CHODL: variants seen among roughly 807,000 people sequenced by gnomAD.
CHODL encodes transmembrane protein MT75.
In CHODL, 29 loss-of-function variants were observed where a neutral mutation model predicts 34.5. The ratio of observed to expected loss-of-function variants is 0.84; its 90% confidence interval spans 0.63 to 1.15. The LOEUF is 1.15. Among genes scored for constraint, CHODL ranks in the 50% most tolerant of loss-of-function variants. The pLI is 0.00. For missense variants in CHODL, 332 were observed against 332.5 expected, an observed-to-expected ratio of 1.00 and a Z score of 0.01; for synonymous variants, 125 against 116.1, an observed-to-expected ratio of 1.08 and a Z score of -0.49.
At chr21:18,100,085 A>G (rs1329363845) in intron 2 of CHODL, 1 of 152,162 alleles carries the variant, frequency 6.6e-6, no homozygotes, top group Non-Finnish European at 1.5e-5. Flanking sequence ...ACGACAAATA[A>G]AAATAAAAAT....
At chr21:18,027,500 G>T (rs936128059) in intron 1 of CHODL, among the ~76,000 whole-genome samples, 1 of 152,070 alleles carries the variant, frequency 6.6e-6, no homozygotes, top group Non-Finnish European at 1.5e-5. Context: ...TTAAACTTTG[G>T]CATGATTCAT....
At chr21:18,241,206 T>A (rs1399659337), upstream of CHODL, among the ~76,000 whole-genome samples, 6 of 151,716 alleles carry the variant, frequency 4.0e-5, no homozygotes, top group African/African-American at 1.5e-4. Context: ...AACCTTGGAT[T>A]CAATGCTGTC....
intron 1 of CHODL, among the ~76,000 whole-genome samples, chr21:18,006,742 G>T (rs545385723): frequency 1.6e-4 from 25 of 152,308 alleles, no homozygotes; most frequent in Admixed American, 1.4e-3. Context: ...GAGATTTCAT[G>T]CACATCCTTT....
chr21:18,211,953 G>C (rs942060687), intron 2 of CHODL, among the ~76,000 whole-genome samples: 9 of 152,036 alleles, frequency 5.9e-5, no homozygotes, highest in Non-Finnish European at 1.2e-4. Context: ...GAAATTTAAA[G>C]AACTTAGAAT....
At chr21:18,068,005 T>G (rs1239342645) in intron 2 of CHODL, among the ~76,000 whole-genome samples, 2 of 152,172 alleles carry the variant, frequency 1.3e-5, no homozygotes, top group African/African-American at 4.8e-5. Context: ...GTCTTCCATC[T>G]TTCTCTTTTC....
chr21:17,976,270 GAAAAAA>G (rs71318119), intron 1 of CHODL, among the ~76,000 whole-genome samples: 25 of 66,524 alleles, frequency 3.8e-4, no homozygotes, highest in African/African-American at 1.0e-3. Flanking sequence ...GACCATCTCA[GAAAAAA>G]AAAAAAAAAA....
chr21:18,262,325 C>A (rs981559616), intron 4 of CHODL, among the ~76,000 whole-genome samples: 7 of 152,062 alleles, frequency 4.6e-5, no homozygotes. Flanking sequence ...TGTCATTGTG[C>A]GAACATCATA....
At chr21:18,232,941 T>TTTTA (rs752640406) in intron 2 of CHODL, among the ~76,000 whole-genome samples, 25 of 97,594 alleles carry the variant, frequency 2.6e-4, no homozygotes, top group South Asian at 9.8e-4. Flanking sequence ...CATGATGTTA[T>TTTTA]GATATATATA....
At chr21:18,119,319 T>A (rs1437767550) in intron 2 of CHODL, among the ~76,000 whole-genome samples, 1 of 151,922 alleles carries the variant, frequency 6.6e-6, no homozygotes, top group Admixed American at 6.6e-5. Context: ...CAAAGAACTG[T>A]GGAATGTTCC....
intron 2 of CHODL, among the ~76,000 whole-genome samples, chr21:18,224,070 G>A (rs146090141): frequency 2.6e-5 from 4 of 152,098 alleles, no homozygotes; most frequent in South Asian, 2.1e-4. Context: ...AGCCCAATAC[G>A]GCTCTTGCTG....
chr21:18,166,169 T>C (rs2073150672), intron 2 of CHODL, among the ~76,000 whole-genome samples: 1 of 152,192 alleles, frequency 6.6e-6, no homozygotes, highest in Non-Finnish European at 1.5e-5. Context: ...GACCCTGTTC[T>C]CTTGCTGTTT....
At chr21:18,183,688 C>A (rs571383714) in intron 2 of CHODL, among the ~76,000 whole-genome samples, 61 of 152,142 alleles carry the variant, frequency 4.0e-4, no homozygotes, top group Non-Finnish European at 6.2e-4. Flanking sequence ...CACAAAATGT[C>A]ATAATTTTAT....
intron 2 of CHODL, among the ~76,000 whole-genome samples, chr21:18,168,903 A>T (rs1477751649): frequency 6.6e-6 from 1 of 152,152 alleles, no homozygotes; most frequent in Non-Finnish European, 1.5e-5. Flanking sequence ...TAGCTCTTAC[A>T]TGTAAATCTA....
At chr21:18,112,980 C>T (rs2065369526) in intron 2 of CHODL, among the ~76,000 whole-genome samples, 1 of 152,136 alleles carries the variant, frequency 6.6e-6, no homozygotes, top group Non-Finnish European at 1.5e-5. Flanking sequence ...GAAGAGACAA[C>T]CCACAGAATG....
chr21:18,015,277 T>C (rs2064061449), intron 1 of CHODL, among the ~76,000 whole-genome samples: 1 of 152,110 alleles, frequency 6.6e-6, no homozygotes, highest in Non-Finnish European at 1.5e-5. Flanking sequence ...ATCTGGTTGT[T>C]TAAAAGTGTG....
intron 1 of CHODL, among the ~76,000 whole-genome samples, chr21:18,025,245 T>C (rs1441158067): frequency 1.3e-5 from 2 of 152,198 alleles, no homozygotes; most frequent in African/African-American, 4.8e-5. Context: ...TATCAGACAG[T>C]CTGTGTCACT....
intron 2 of CHODL, among the ~76,000 whole-genome samples, chr21:18,148,620 C>T (rs1424895476): frequency 6.6e-6 from 1 of 152,090 alleles, no homozygotes; most frequent in Non-Finnish European, 1.5e-5. Context: ...TTCAAATATT[C>T]ATATTTATGA....
At chr21:17,934,741 CTAAA>C (rs1327493810) in intron 1 of CHODL, among the ~76,000 whole-genome samples, 1 of 152,030 alleles carries the variant, frequency 6.6e-6, no homozygotes, top group East Asian at 1.9e-4. Flanking sequence ...TCCCATCATC[CTAAA>C]TATCTTATTT....
chr21:18,218,592 A>G (rs1269053028), intron 2 of CHODL, among the ~76,000 whole-genome samples: 1 of 152,208 alleles, frequency 6.6e-6, no homozygotes, highest in Non-Finnish European at 1.5e-5. Context: ...TGGGCTCCTC[A>G]TTACTTATGC....
Sources: gnomAD v4.1 joint callset for allele counts (sites outside exome capture counted in the v4.1 genomes callset) on GRCh38, gnomAD v4.1.1 for gene constraint, MANE v1.5 for transcripts, NCBI Gene and HGNC (gene_info 2026-07-23, HGNC 2026-07-21) for gene names.